THRAP3: variants seen among roughly 807,000 people sequenced by gnomAD.
THRAP3 encodes thyroid hormone receptor-associated protein 3.
A neutral mutation model predicts 101.0 loss-of-function variants in THRAP3; 16 were observed. The ratio of observed to expected loss-of-function variants is 0.16; its 90% CI spans 0.11 to 0.24. The LOEUF (loss-of-function observed/expected upper bound fraction) is 0.24. Ranked by LOEUF, THRAP3 falls within the 10% of genes least tolerant of loss-of-function variation. The pLI, the probability that THRAP3 is intolerant of heterozygous loss-of-function variation, is 1.00. For missense variants in THRAP3, 989 were observed against 1,202.7 expected (o/e 0.82, Z 2.63); for synonymous variants, 407 against 422.6 (o/e 0.96, Z 0.45).
At chr1:36,229,500 T>C (rs912983598) in intron 1 of THRAP3, among the ~76,000 whole-genome samples, 2 of 151,456 alleles carry the variant, frequency 1.3e-5, no homozygotes, top group African/African-American at 2.4e-5. Flanking sequence ...GTCTAGAAGA[T>C]AGGGGCTGGT....
chr1:36,245,167 C>CT lies in THRAP3; in HGVS notation c.-134-14198dup, dbSNP rs765561233. 7.8e-3 allele frequency among the ~76,000 whole-genome samples: 1,069 copies of CT among 136,640 alleles called. 13 individuals are homozygous for CT. The highest frequency in any genetic ancestry group is 0.017 in the Admixed American group (238 of 13,608). The allele number at this position is 136,640 out of a possible 152,430, so 89.6% of individuals were successfully genotyped here. On this transcript the variant is annotated intron_variant, in intron 1 of 11. Coordinates refer to ENST00000354618, the MANE Select transcript of THRAP3 (RefSeq NM_005119.4). ...CTGCATGTGACACCCCCATCCCAAT[C>CT]TTTTTTTTTTTTTTTTTGAGACAGA...
chr1:36,282,411 TTG>T, intron 2 of THRAP3, 120 bp from the exon 3 acceptor site: 3 of 678,066 alleles, frequency 4.4e-6, no homozygotes, highest in Non-Finnish European at 4.7e-6. Context: ...TTTTTTTTTT[TTG>T]TAGATATGGG....
At chr1:36,256,823 T>A (rs1645381699) in intron 1 of THRAP3, among the ~76,000 whole-genome samples, 1 of 152,002 alleles carries the variant, frequency 6.6e-6, no homozygotes, top group African/African-American at 2.4e-5. Flanking sequence ...AGACAAGAGT[T>A]TCGCTATTGT....
intron 2 of THRAP3, among the ~76,000 whole-genome samples, chr1:36,277,263 C>T (rs763889328): frequency 6.6e-6 from 1 of 151,754 alleles, no homozygotes; most frequent in Non-Finnish European, 1.5e-5. Flanking sequence ...GCCACTGCAC[C>T]CAGCCTCACA....
At chr1:36,252,442 C>G (rs901710001) in intron 1 of THRAP3, among the ~76,000 whole-genome samples, 4 of 152,100 alleles carry the variant, frequency 2.6e-5, no homozygotes, top group Admixed American at 2.0e-4. Flanking sequence ...TTCTTAGTGG[C>G]CATCTGCACT....
Position 36,286,600 on chromosome 1 carries a change from C to A in THRAP3, c.370C>A (p.Arg124Ser). ...GCAAGCATACAGTCCTCGTCGAGGC[C>A]GTTCAAGATCCCGGTCCCCAAAGAG... The part of the protein sequence containing the change: ...YRQAYSPRRG[R>S]SRSRSPKRRS... The change falls in exon 4 of 12, where the codon CGT (arginine) becomes AGT (serine). Residue 124 changes from arginine to serine, a missense_variant. Coordinates refer to ENST00000354618, the MANE Select transcript of THRAP3 (RefSeq NM_005119.4). The surrounding 1 kb of genome is among the most constrained non-coding windows in gnomAD (Gnocchi z 5.5). The A allele has an allele frequency of 1.2e-6, 2 of 1,614,108 alleles. No individual in the cohort carries two copies. The highest frequency in any genetic ancestry group is 1.7e-6 in the Non-Finnish European group (2 of 1,180,022).
At chr1:36,217,569 C>G in the THRAP3 span, among the ~76,000 whole-genome samples, 1 of 151,976 alleles carries the variant, frequency 6.6e-6, no homozygotes, top group South Asian at 2.1e-4. Flanking sequence ...TGTGGCAACC[C>G]TGTGTCAAGC....
chr1:36,215,874 T>C, the THRAP3 span, among the ~76,000 whole-genome samples: 2 of 151,808 alleles, frequency 1.3e-5, no homozygotes, highest in African/African-American at 2.4e-5. Context: ...CTCAGCCTCC[T>C]GAGTAGCTGG....
At chr1:36,248,565 C>T (rs1439071989) in intron 1 of THRAP3, among the ~76,000 whole-genome samples, 1 of 151,608 alleles carries the variant, frequency 6.6e-6, no homozygotes, top group Non-Finnish European at 1.5e-5. Context: ...CTCAGCCTCC[C>T]GAGTAGCTAG....
the THRAP3 span, among the ~76,000 whole-genome samples, chr1:36,209,191 T>A: frequency 6.6e-6 from 1 of 151,934 alleles, no homozygotes; most frequent in Non-Finnish European, 1.5e-5. Flanking sequence ...TTGCCCAGGC[T>A]GGTCTCAAAC....
chr1:36,241,241 A>G (rs1645152808), intron 1 of THRAP3, among the ~76,000 whole-genome samples: 1 of 150,150 alleles, frequency 6.7e-6, no homozygotes, highest in Admixed American at 6.9e-5. Flanking sequence ...CGTGCCGCTG[A>G]CACCTGACAC....
Position 36,289,497 on chromosome 1 carries a change from A to C in THRAP3, c.1478A>C (p.Glu493Ala), listed in dbSNP as rs927887588. 2 of 1,614,080 alleles carry C rather than the reference A, an allele frequency of 1.2e-6. No individual in the cohort carries two copies. The highest frequency in any genetic ancestry group is 2.7e-5 in the African/African-American group (2 of 74,924). ...KQRKTEELEE[E>A]SFPERSKKED... ...AGAAAAACAGAGGAGCTGGAGGAGG[A>C]GTCTTTCCCAGAGAGATCCAAAAAG... The change falls in exon 5 of 12, where the codon GAG becomes GCG. Residue 493 changes from glutamate (E) to alanine (A), a missense_variant. By Grantham distance (107) the Glu-to-Ala change is moderately radical. Transcript: ENST00000354618.
rs769661492 is a variant in THRAP3, at chr1:36,289,308, T to C, written c.1289T>C (p.Met430Thr). Reference protein sequence around the residue: ...KKMADFHKEEMDDQDKDKAKG... With the variant: ...KKMADFHKEETDDQDKDKAKG... ...ATGGCTGACTTCCACAAGGAGGAGA[T>C]GGATGATCAAGATAAGGACAAAGCT... The change falls in exon 5 of 12, where the codon ATG becomes ACG. Residue 430 changes from methionine to threonine, a missense_variant. Met to Thr is a moderately conservative substitution (Grantham distance 81). Coordinates refer to ENST00000354618, the MANE Select transcript of THRAP3 (RefSeq NM_005119.4). 2 of 1,613,798 alleles carry C rather than the reference T, an allele frequency of 1.2e-6. No homozygotes were observed. Among genetic ancestry groups the C allele is most frequent in the South Asian group, 2.2e-5 (2 of 91,058 alleles).
At chr1:36,255,699 G>A (rs999768286) in intron 1 of THRAP3, among the ~76,000 whole-genome samples, 2 of 151,666 alleles carry the variant, frequency 1.3e-5, no homozygotes, top group Non-Finnish European at 2.9e-5. Context: ...CTTGATCCCA[G>A]GAGACGGAGG....
At chr1:36,249,779 C>T (rs1376541089) in intron 1 of THRAP3, among the ~76,000 whole-genome samples, 1 of 149,746 alleles carries the variant, frequency 6.7e-6, no homozygotes, top group Admixed American at 6.7e-5. Flanking sequence ...GGCAGTGGGA[C>T]GAGCATGTCT....
chr1:36,218,021 T>C, the THRAP3 span, among the ~76,000 whole-genome samples: 2 of 152,184 alleles, frequency 1.3e-5, no homozygotes, highest in Non-Finnish European at 2.9e-5. Context: ...GGCAGAAAGC[T>C]AGGCCTGTTG....
Position 36,251,782 on chromosome 1 carries a change from T to C in THRAP3, c.-134-7600T>C, listed in dbSNP as rs574339946. Among the ~76,000 whole-genome samples, 5 of 152,318 alleles carry C rather than the reference T, an allele frequency of 3.3e-5. No individual in the cohort carries two copies. In the South Asian group the frequency reaches 8.3e-4, roughly 25 times the overall value. On this transcript the variant is annotated intron_variant, in intron 1 of 11. Transcript: ENST00000354618. ...TGTGCCAAGCACTTTTCTGAGAACT[T>C]TATACATATATTAATTTATTCGGTG...
chr1:36,291,638 T>C lies in THRAP3; in HGVS notation c.1918+92T>C, dbSNP rs979979229. ...GGATAAGGAGTTTTGGGGGACCTTGTATCTCATCTAAAGGGCCTTTGAAGC... is the reference window on the plus strand; with the variant it reads ...GGATAAGGAGTTTTGGGGGACCTTGCATCTCATCTAAAGGGCCTTTGAAGC... On this transcript the variant is annotated intron_variant, in intron 6 of 11. Transcript: ENST00000354618. The C allele has an allele frequency of 5.6e-6, 8 of 1,422,412 alleles. No homozygotes were observed. The African/African-American group carries it at 9.9e-5, about 18-fold the overall frequency. 88.1% of individuals were successfully genotyped at this position (1,422,412 alleles called of 1,614,324 possible).
At chr1:36,263,548 AATTTCTCTTAAGAATTGAGAAGAAAAT>A (rs1570286684) in intron 2 of THRAP3, among the ~76,000 whole-genome samples, 1 of 152,322 alleles carries the variant, frequency 6.6e-6, no homozygotes, top group East Asian at 1.9e-4. Flanking sequence ...GAAAGCTGAG[AATTTCTCTTAAGAATTGAGAAGAAAAT>A]ATTCCCCAAT....
Sources: allele counts gnomAD v4.1 joint callset (sites outside exome capture counted in the v4.1 genomes callset), GRCh38; gene constraint gnomAD v4.1.1; non-coding constraint Gnocchi (gnomAD v3.1); transcripts MANE v1.5; gene names NCBI Gene and HGNC (gene_info 2026-07-23, HGNC 2026-07-21).